CUX2: variants seen among roughly 807,000 people sequenced by gnomAD.
CUX2 encodes the protein cut like homeobox 2, also known as homeobox protein cut-like 2.
Under a neutral mutation model 144.8 loss-of-function variants are expected in CUX2, and 40 were observed. The observed-to-expected ratio is 0.28, with a 90% confidence interval of 0.21 to 0.36. CUX2 has a LOEUF of 0.36. Among genes scored for constraint, CUX2 ranks in the 10% least tolerant of loss-of-function variants. CUX2 has a pLI of 1.00. For synonymous variants in CUX2, 827 were observed against 875.6 expected, an observed-to-expected ratio of 0.94 and a Z score of 0.98; for missense variants, 1,615 against 1,994.0, an observed-to-expected ratio of 0.81 and a Z score of 3.62.
intron 1 of CUX2, among the ~76,000 whole-genome samples, chr12:111,120,456 A>G (rs1874579495): frequency 6.6e-6 from 1 of 152,134 alleles, no homozygotes; most frequent in Admixed American, 6.5e-5. Flanking sequence ...GGACATCAGA[A>G]TTCCTGAGAA....
At chr12:111,048,717 G>A (rs1046909654) in intron 1 of CUX2, among the ~76,000 whole-genome samples, 4 of 152,134 alleles carry the variant, frequency 2.6e-5, no homozygotes, top group Non-Finnish European at 4.4e-5. Flanking sequence ...CTAAGACGGC[G>A]TGGCTGTAGA....
At chr12:111,241,806 G>A (rs1475742850) in intron 3 of CUX2, among the ~76,000 whole-genome samples, 2 of 152,252 alleles carry the variant, frequency 1.3e-5, no homozygotes, top group Admixed American at 1.3e-4. Flanking sequence ...GACCACCCCT[G>A]ACAGCGTGAC....
intron 1 of CUX2, among the ~76,000 whole-genome samples, chr12:111,041,073 C>T (rs772751508): frequency 6.6e-6 from 1 of 152,218 alleles, no homozygotes; most frequent in South Asian, 2.1e-4. Flanking sequence ...AGAGTCAGAG[C>T]AGTGAGAGGC....
chr12:111,332,058 G>A lies in CUX2; in HGVS notation c.2927-2383G>A, dbSNP rs534810843. 5.3e-5 allele frequency among the ~76,000 whole-genome samples: 8 copies of A among 149,968 alleles called. No individual in the cohort carries two copies. The South Asian group carries it at 6.4e-4, about 12-fold the overall frequency. ...CATGCCACTGCACTCCAGCCTGGGC[G>A]ACAGAGTGAGTGAGACTCCATCTCC... On this transcript the variant is annotated intron_variant, in intron 18 of 21. Coordinates refer to ENST00000261726, the MANE Select transcript of CUX2 (RefSeq NM_015267.4).
At chr12:111,288,968 CAAAAAT>C (rs2136327059) in intron 4 of CUX2, among the ~76,000 whole-genome samples, 1 of 151,048 alleles carries the variant, frequency 6.6e-6, no homozygotes, top group East Asian at 1.9e-4. Flanking sequence ...TAAATAAATA[CAAAAAT>C]TACCCAGGCG....
intron 4 of CUX2, among the ~76,000 whole-genome samples, chr12:111,266,918 G>A (rs1884416229): frequency 6.6e-6 from 1 of 152,198 alleles, no homozygotes; most frequent in African/African-American, 2.4e-5. Flanking sequence ...AGGCTCAGCC[G>A]CAGGTGGCGG....
intron 1 of CUX2, among the ~76,000 whole-genome samples, chr12:111,168,434 T>C (rs1878293437): frequency 6.6e-6 from 1 of 152,050 alleles, no homozygotes; most frequent in Non-Finnish European, 1.5e-5. Context: ...ATCTGATGGG[T>C]GGGTGTTTGG....
intron 3 of CUX2, among the ~76,000 whole-genome samples, chr12:111,232,895 C>T (rs1469190556): frequency 6.6e-6 from 1 of 152,190 alleles, no homozygotes; most frequent in Non-Finnish European, 1.5e-5. Context: ...ACAGAGCTGA[C>T]CCTTTCGCGG....
At chr12:111,198,881 A>G (rs959151559) in intron 1 of CUX2, among the ~76,000 whole-genome samples, 6 of 152,194 alleles carry the variant, frequency 3.9e-5, no homozygotes, top group African/African-American at 1.2e-4. Flanking sequence ...GGGCCCCCCT[A>G]AGGTATAGGA....
At chr12:111,073,145 G>C (rs1214170311) in intron 1 of CUX2, among the ~76,000 whole-genome samples, 1 of 152,110 alleles carries the variant, frequency 6.6e-6, no homozygotes, top group Non-Finnish European at 1.5e-5. Flanking sequence ...GAAAATCCCT[G>C]GCCCTCTTAG....
At chr12:111,063,569 C>T (rs1040819555) in intron 1 of CUX2, among the ~76,000 whole-genome samples, 5 of 152,154 alleles carry the variant, frequency 3.3e-5, no homozygotes, top group South Asian at 2.1e-4. Flanking sequence ...CTTTGAGATA[C>T]GGTGGGCTTC....
intron 1 of CUX2, among the ~76,000 whole-genome samples, chr12:111,052,397 G>C (rs577812246): frequency 4.0e-5 from 6 of 151,762 alleles, no homozygotes; most frequent in Non-Finnish European, 8.8e-5. Context: ...GAGCAGCAGA[G>C]GGCAGAGCAC....
At chr12:111,341,679 G>A in intron 20 of CUX2, 101 bp from the exon 21 acceptor site, 1 of 1,381,392 alleles carries the variant, frequency 7.2e-7, no homozygotes, top group Non-Finnish European at 9.8e-7. Context: ...TGGCCTCCGA[G>A]TGGGCCTGAC....
intron 3 of CUX2, among the ~76,000 whole-genome samples, chr12:111,238,629 A>G (rs1258884015): frequency 6.6e-6 from 1 of 152,182 alleles, no homozygotes; most frequent in Non-Finnish European, 1.5e-5. Flanking sequence ...TTATTTATTA[A>G]GTGCCTACTA....
In CUX2 at chr12:111,328,941, A is replaced by ATCTCTCTCTCTCTCTCTCTCTCTC. The variant is rs1227047616; in HGVS notation, c.2927-5489_2927-5466dup. ...CACTCTGCATTTTTTTGATTCACCTATCTCTCTCTCTCTCTCTCTCTCTCT... is the reference window on the plus strand; with the variant it reads ...CACTCTGCATTTTTTTGATTCACCTATCTCTCTCTCTCTCTCTCTCTCTCTCTCTCTCTCTCTCTCTCTCTCTCT... On this transcript the variant is annotated intron_variant, in intron 18 of 21. Coordinates refer to ENST00000261726, the MANE Select transcript of CUX2 (RefSeq NM_015267.4). 1.1e-3 allele frequency among the ~76,000 whole-genome samples: 33 copies of ATCTCTCTCTCTCTCTCTCTCTCTC among 28,992 alleles called. 3 individuals are homozygous for ATCTCTCTCTCTCTCTCTCTCTCTC. The highest frequency in any genetic ancestry group is 2.6e-3 in the African/African-American group (10 of 3,774). 19.0% of individuals were successfully genotyped at this position (28,992 alleles called of 152,430 possible).
At position 111,214,225 on chromosome 12, in the gene CUX2, A is replaced by G; in HGVS notation, c.89A>G (p.Glu30Gly). 6.3e-7 allele frequency: 1 copy of G among 1,578,692 alleles called. No homozygotes were observed. The highest frequency in any genetic ancestry group is 8.6e-7 in the Non-Finnish European group (1 of 1,166,562). The change falls in exon 2 of 22, where the codon GAG (glutamate) becomes GGG (glycine). Residue 30 changes from glutamate to glycine, a missense_variant. Glu to Gly is a moderately conservative substitution (Grantham distance 98). Coordinates refer to ENST00000261726, the MANE Select transcript of CUX2 (RefSeq NM_015267.4). ...LQKELNSVAS[E>G]LSARQEESEH... ...AAGGAGCTTAATTCCGTCGCTTCTGAGCTGTCTGCACGGCAGGAGGAGAGT... is the reference window on the plus strand; with the variant it reads ...AAGGAGCTTAATTCCGTCGCTTCTGGGCTGTCTGCACGGCAGGAGGAGAGT...
At chr12:111,257,109 G>A (rs930524947) in intron 3 of CUX2, among the ~76,000 whole-genome samples, 10 of 152,112 alleles carry the variant, frequency 6.6e-5, no homozygotes, top group Non-Finnish European at 1.3e-4. Flanking sequence ...AGTGGGCTGC[G>A]TAAATGCCAT....
At position 111,320,341 on chromosome 12, in the gene CUX2, G is replaced by C; in HGVS notation, c.2332G>C (p.Glu778Gln). Residue 778 changes from glutamate (E) to glutamine (Q), a missense_variant, in exon 17 of 22, where the codon GAG becomes CAG. Glu to Gln is a conservative substitution (Grantham distance 29, BLOSUM62 2). This residue lies in a region of CUX2 where 390 missense variants were observed against 387.1 expected (regional missense o/e 1.01). Coordinates refer to ENST00000261726, the MANE Select transcript of CUX2 (RefSeq NM_015267.4). This position sits in a 1 kb window ranked among gnomAD's most constrained non-coding sequence, Gnocchi z 8.1. ...GAGCATCATCCGCAAGGTCAAGTCC[G>C]AGATCGGCGACGCCGGCTACTTCGA... The part of the protein sequence containing the change: ...VQSIIRKVKS[E>Q]IGDAGYFDHH... 6.3e-7 allele frequency: 1 copy of C among 1,598,164 alleles called. No homozygotes were observed. The highest frequency in any genetic ancestry group is 1.1e-5 in the South Asian group (1 of 91,060).
rs2136310110 is a variant in CUX2, at chr12:111,277,479, C to T, written c.301+13640C>T. On this transcript the variant is annotated intron_variant, in intron 4 of 21. Coordinates refer to ENST00000261726, the MANE Select transcript of CUX2 (RefSeq NM_015267.4). This position sits in a 1 kb window ranked among gnomAD's most constrained non-coding sequence, Gnocchi z 5.0. ...CCCCCTGCTAGCTGCCTCATTAGGG[C>T]TCCGCGGAGACACCACTCCCCTCAC... 6.6e-6 allele frequency among the ~76,000 whole-genome samples: 1 copy of T among 152,088 alleles called. No individual in the cohort carries two copies. The highest frequency in any genetic ancestry group is 1.9e-4 in the East Asian group (1 of 5,158).
Sources: allele counts gnomAD v4.1 joint callset (sites outside exome capture counted in the v4.1 genomes callset), GRCh38; gene constraint gnomAD v4.1.1; regional missense constraint gnomAD v4.1.1; non-coding constraint Gnocchi (gnomAD v3.1); transcripts MANE v1.5; gene names NCBI Gene and HGNC (gene_info 2026-07-23, HGNC 2026-07-21).